The following GRIK2 variants were observed in gnomAD, a reference collection of about 807,000 sequenced individuals.
The protein encoded by GRIK2 is glutamate receptor ionotropic, kainate 2.
In GRIK2, 32 loss-of-function variants were observed where a neutral mutation model predicts 100.3. The ratio of observed to expected loss-of-function variants is 0.32; its 90% CI spans 0.24 to 0.43. The LOEUF is 0.43. Among genes scored for constraint, GRIK2 ranks in the 20% least tolerant of loss-of-function variants. GRIK2 has a pLI of 1.00. For synonymous variants in GRIK2, 417 were observed against 389.4 expected, an observed-to-expected ratio of 1.07 and a Z score of -0.83; for missense variants, 843 against 1,114.9, an observed-to-expected ratio of 0.76 and a Z score of 3.47.
At chr6:101,863,963 C>T (rs972906247) in intron 11 of GRIK2, among the ~76,000 whole-genome samples, 1 of 150,884 alleles carries the variant, frequency 6.6e-6, no homozygotes, top group Admixed American at 6.6e-5. Context: ...AGGTGAAACC[C>T]CGTCTCTACT....
intron 2 of GRIK2, among the ~76,000 whole-genome samples, chr6:101,503,410 T>C (rs905167090): frequency 1.3e-5 from 2 of 152,134 alleles, no homozygotes; most frequent in Non-Finnish European, 2.9e-5. Flanking sequence ...TTGCATCTTA[T>C]TGATTTTTAA....
intron 14 of GRIK2, among the ~76,000 whole-genome samples, chr6:101,938,640 A>C (rs981548711): frequency 2.6e-5 from 4 of 152,078 alleles, no homozygotes; most frequent in African/African-American, 9.6e-5. Flanking sequence ...ATTGATGTGT[A>C]TTCAGAGAAG....
At chr6:101,545,899 A>C (rs181621993) in intron 2 of GRIK2, among the ~76,000 whole-genome samples, 92 of 151,996 alleles carry the variant, frequency 6.1e-4, no homozygotes, top group African/African-American at 2.1e-3. Flanking sequence ...TCCTATTTCC[A>C]AGAGGTTAGA....
intron 2 of GRIK2, among the ~76,000 whole-genome samples, chr6:101,504,062 A>T (rs929092686): frequency 6.6e-6 from 1 of 152,182 alleles, no homozygotes; most frequent in African/African-American, 2.4e-5. Context: ...AGATGAGTAA[A>T]CTAACACTAC....
intron 2 of GRIK2, among the ~76,000 whole-genome samples, chr6:101,453,013 TA>T (rs142089001): frequency 0.013 from 1,897 of 151,754 alleles, 31 homozygotes; most frequent in African/African-American, 0.044. Context: ...ATGATAGTTC[TA>T]AAAAAAATCC....
chr6:101,692,039 C>CAAAAAAAAAAAAAAAAAAAA (rs60210939), intron 7 of GRIK2, among the ~76,000 whole-genome samples: 6 of 78,390 alleles, frequency 7.7e-5, no homozygotes, highest in African/African-American at 2.9e-4. Flanking sequence ...CACCCCGTCT[C>CAAAAAAAAAAAAAAAAAAAA]AAAAAAAAAA....
At chr6:102,003,742 A>C (rs1012444884) in intron 14 of GRIK2, among the ~76,000 whole-genome samples, 7 of 151,816 alleles carry the variant, frequency 4.6e-5, no homozygotes, top group Non-Finnish European at 8.9e-5. Flanking sequence ...TTGACTTCTC[A>C]CATCTAGAGT....
intron 7 of GRIK2, among the ~76,000 whole-genome samples, chr6:101,754,033 A>T (rs1353546356): frequency 6.6e-6 from 1 of 152,072 alleles, no homozygotes; most frequent in East Asian, 1.9e-4. Flanking sequence ...TACTTTTTTT[A>T]ATAAAAATGG....
At position 101,981,601 on chromosome 6, in the gene GRIK2, C is replaced by T. The variant is rs78095566; in HGVS notation, c.2085+52969C>T. On this transcript the variant is annotated intron_variant, in intron 14 of 16. Coordinates refer to ENST00000369134, the MANE Select transcript of GRIK2 (RefSeq NM_021956.5). Reference sequence around the variant, plus strand: ...TTAGGAAAAAAGAAAGTTAGTACAACGATGACGCACTTTTTCTAGGAATTC... The same window carrying T: ...TTAGGAAAAAAGAAAGTTAGTACAATGATGACGCACTTTTTCTAGGAATTC... Among the ~76,000 whole-genome samples, 115 of 151,844 alleles carry T rather than the reference C, an allele frequency of 7.6e-4. No individual in the cohort carries two copies. In the East Asian group the frequency reaches 0.012, roughly 16 times the overall value.
intron 2 of GRIK2, among the ~76,000 whole-genome samples, chr6:101,541,343 C>A (rs2518218): frequency 1 from 150,380 of 150,384 alleles, 75,188 homozygotes; most frequent in Middle Eastern, 1. Context: ...CCCAAAGGAC[C>A]GGGTAACAGA....
At chr6:101,571,062 A>AT (rs35707192) in intron 2 of GRIK2, among the ~76,000 whole-genome samples, 152,218 of 152,220 alleles carry the variant, frequency 1, 76,108 homozygotes, top group Non-Finnish European at 1. Context: ...TATGTGCAGT[A>AT]TTTTGTGTAT....
intron 2 of GRIK2, among the ~76,000 whole-genome samples, chr6:101,494,035 T>TATA (rs147969833): frequency 3.5e-5 from 5 of 144,034 alleles, no homozygotes; most frequent in Non-Finnish European, 7.6e-5. Flanking sequence ...TATATATAAT[T>TATA]TATTATATAA....
intron 7 of GRIK2, among the ~76,000 whole-genome samples, chr6:101,757,920 T>C (rs1777237344): frequency 1.3e-5 from 2 of 152,258 alleles, no homozygotes; most frequent in Non-Finnish European, 2.9e-5. Context: ...ATGCTAGCTT[T>C]ATTTTTGGCA....
chr6:101,597,456 G>A (rs1239499773), intron 2 of GRIK2, among the ~76,000 whole-genome samples: 2 of 151,668 alleles, frequency 1.3e-5, no homozygotes, highest in African/African-American at 4.8e-5. Flanking sequence ...TGATTTTAGT[G>A]TATACTGAAA....
chr6:101,755,696 C>T (rs1270036454), intron 7 of GRIK2, among the ~76,000 whole-genome samples: 1 of 152,092 alleles, frequency 6.6e-6, no homozygotes, highest in Non-Finnish European at 1.5e-5. Context: ...AGTGTATCTA[C>T]TAAGTGTGTA....
At chr6:101,832,174 A>G (rs898070056) in intron 10 of GRIK2, among the ~76,000 whole-genome samples, 3 of 152,052 alleles carry the variant, frequency 2.0e-5, no homozygotes, top group Non-Finnish European at 4.4e-5. Context: ...TTTTTATATA[A>G]TTTCTGAAAC....
chr6:102,027,086 A>C (rs1341848315), intron 14 of GRIK2, among the ~76,000 whole-genome samples: 1 of 151,334 alleles, frequency 6.6e-6, no homozygotes, highest in South Asian at 2.1e-4. Context: ...AGACCTTGCT[A>C]TGAGCATTAG....
In GRIK2 at chr6:101,455,230, A is replaced by G. The variant is rs533938045; in HGVS notation, c.115+55838A>G. 1.2e-3 allele frequency among the ~76,000 whole-genome samples: 176 copies of G among 152,206 alleles called. 1 individual carries two copies. Among genetic ancestry groups the G allele is most frequent in the African/African-American group, 4.0e-3 (165 of 41,562 alleles). ...TGCTACAGCATTTTGTGCATATAAA[A>G]GAGAAGAAATTAAAAGTGGGTAATG... On this transcript the variant is annotated intron_variant, in intron 2 of 16. Transcript: ENST00000369134.
At chr6:101,758,691 T>G (rs1239671841) in intron 7 of GRIK2, among the ~76,000 whole-genome samples, 1 of 152,192 alleles carries the variant, frequency 6.6e-6, no homozygotes, top group Non-Finnish European at 1.5e-5. Flanking sequence ...CTCAGCAGAA[T>G]AGAGCATGGG....
Sources: allele counts gnomAD v4.1 joint callset (sites outside exome capture counted in the v4.1 genomes callset), GRCh38; gene constraint gnomAD v4.1.1; transcripts MANE v1.5; gene names NCBI Gene and HGNC (gene_info 2026-07-23, HGNC 2026-07-21).